Variants in KLHL18 observed in about 807,000 individuals in gnomAD.
The protein encoded by KLHL18 is kelch like family member 18.
A neutral mutation model predicts 58.5 loss-of-function variants in KLHL18; 38 were observed. The ratio of observed to expected loss-of-function variants is 0.65; its 90% CI spans 0.50 to 0.85. The LOEUF (loss-of-function observed/expected upper bound fraction) is 0.85. KLHL18 is among the 40% of genes least tolerant of loss of function. The pLI is 0.00. For missense variants in KLHL18, 624 were observed against 778.4 expected (o/e 0.80, Z 2.36); for synonymous variants, 303 against 301.9 (o/e 1.00, Z -0.04).
chr3:47,340,440 C>A (rs768052535), intron 7 of KLHL18, 132 bp from the exon 8 acceptor site: 3 of 1,351,876 alleles, frequency 2.2e-6, no homozygotes, highest in Non-Finnish European at 3.1e-6. Context: ...CAGTTTTATG[C>A]CTTTACTTAG....
At chr3:47,298,265 G>A (rs1170622137) in intron 1 of KLHL18, among the ~76,000 whole-genome samples, 1 of 149,754 alleles carries the variant, frequency 6.7e-6, no homozygotes, top group Non-Finnish European at 1.5e-5. Flanking sequence ...CTACTTGGGA[G>A]GATCACTTAA....
chr3:47,285,553 T>C (rs2107568583), intron 1 of KLHL18, among the ~76,000 whole-genome samples: 1 of 146,852 alleles, frequency 6.8e-6, no homozygotes, highest in South Asian at 2.2e-4. Context: ...CCCGTCTCTA[T>C]TGGGGAAAAA....
intron 4 of KLHL18, 42 bp from the exon 5 acceptor site, chr3:47,333,115 G>A (rs1703901856): frequency 2.5e-6 from 4 of 1,595,686 alleles, no homozygotes; most frequent in African/African-American, 2.7e-5. Flanking sequence ...TGTGGCCTCT[G>A]GGTGGGAGGA....
intron 1 of KLHL18, among the ~76,000 whole-genome samples, chr3:47,289,563 T>C (rs765276809): frequency 1.3e-5 from 2 of 152,182 alleles, no homozygotes; most frequent in Non-Finnish European, 2.9e-5. Context: ...ACCATTTTTA[T>C]GTTGTGTATA....
intron 1 of KLHL18, among the ~76,000 whole-genome samples, chr3:47,290,595 G>A (rs532470564): frequency 1.3e-5 from 2 of 152,030 alleles, no homozygotes; most frequent in Admixed American, 1.3e-4. Flanking sequence ...CCAAGTAGCT[G>A]GGACCACAGG....
chr3:47,285,994 C>T (rs1222690733), intron 1 of KLHL18, among the ~76,000 whole-genome samples: 1 of 150,808 alleles, frequency 6.6e-6, no homozygotes, highest in Non-Finnish European at 1.5e-5. Context: ...GAGCCGAGAT[C>T]GTGCCACTGC....
At chr3:47,319,833 T>C in intron 2 of KLHL18, 50 bp downstream of exon 2, 2 of 1,604,050 alleles carry the variant, frequency 1.2e-6, no homozygotes, top group Non-Finnish European at 1.7e-6. Flanking sequence ...AAGTGCAGTT[T>C]CAGCCTGTGC....
chr3:47,330,071 A>G lies in KLHL18; in HGVS notation c.522A>G (p.Glu174=). ...HQHFVEVSMS[E]EFLALPLEDV... is the part of the protein sequence containing the mutation. Reference sequence around the variant, plus strand: ...ACTTTGTGGAGGTGTCCATGTCAGAAGAGTTCCTGGCCCTGCCCTTGGAAG... The same window carrying G: ...ACTTTGTGGAGGTGTCCATGTCAGAGGAGTTCCTGGCCCTGCCCTTGGAAG... Residue 174 remains glutamate (E), a synonymous_variant, in exon 4 of 10, where the codon GAA becomes GAG. Transcript: ENST00000232766. 6.2e-7 allele frequency: 1 copy of G among 1,614,140 alleles called. No individual in the cohort carries two copies. The highest frequency in any genetic ancestry group is 8.5e-7 in the Non-Finnish European group (1 of 1,180,012).
intron 1 of KLHL18, among the ~76,000 whole-genome samples, chr3:47,299,866 T>TAAA (rs927051506): frequency 2.9e-4 from 31 of 106,140 alleles, no homozygotes; most frequent in Non-Finnish European, 5.6e-4. Context: ...GATTGCAAGA[T>TAAA]AAAAACCCTA....
intron 1 of KLHL18, among the ~76,000 whole-genome samples, chr3:47,305,384 T>G (rs1703123278): frequency 6.6e-6 from 1 of 151,282 alleles, no homozygotes; most frequent in Non-Finnish European, 1.5e-5. Context: ...GTCACTTCTT[T>G]TTTCTTGAGT....
intron 1 of KLHL18, among the ~76,000 whole-genome samples, chr3:47,294,490 C>T (rs1449922821): frequency 6.6e-6 from 1 of 152,110 alleles, no homozygotes; most frequent in Non-Finnish European, 1.5e-5. Context: ...AGTGAGGGAG[C>T]AATCCATGAG....
intron 1 of KLHL18, among the ~76,000 whole-genome samples, chr3:47,290,621 C>T (rs1286923546): frequency 6.6e-6 from 1 of 152,116 alleles, no homozygotes; most frequent in Non-Finnish European, 1.5e-5. Context: ...GCCACCACGC[C>T]TGGCTAATTT....
intron 2 of KLHL18, among the ~76,000 whole-genome samples, chr3:47,321,667 A>G (rs1703592999): frequency 6.6e-6 from 1 of 152,190 alleles, no homozygotes; most frequent in African/African-American, 2.4e-5. Flanking sequence ...GCTTTCTAGT[A>G]GTGATTTGGC....
intron 1 of KLHL18, among the ~76,000 whole-genome samples, chr3:47,314,160 C>G (rs2107617497): frequency 6.6e-6 from 1 of 152,282 alleles, no homozygotes; most frequent in South Asian, 2.1e-4. Flanking sequence ...GCATGCACCA[C>G]CATGCCTGGC....
chr3:47,297,774 G>A (rs1365286324), intron 1 of KLHL18: 3 of 387,144 alleles, frequency 7.7e-6, no homozygotes, highest in Non-Finnish European at 1.5e-5. Context: ...TGAGTATGAG[G>A]CACTGTGTTA....
chr3:47,343,703 T>C lies in KLHL18; in HGVS notation c.1487T>C (p.Met496Thr). 1 of 1,614,198 alleles carries C rather than the reference T, an allele frequency of 6.2e-7. No individual in the cohort carries two copies. The highest frequency in any genetic ancestry group is 8.5e-7 in the Non-Finnish European group (1 of 1,180,036). Reference sequence around the variant, plus strand: ...TCTGGCTTCCTCAGCATTGCCGAGATGTACAGCTCTGTGGCAGACCAGTGG... The same window carrying C: ...TCTGGCTTCCTCAGCATTGCCGAGACGTACAGCTCTGTGGCAGACCAGTGG... ...DGSGFLSIAE[M>T]YSSVADQWCL... The change falls in exon 10 of 10, where the codon ATG becomes ACG. Residue 496 changes from methionine to threonine, a missense_variant. Transcript: ENST00000232766.
Position 47,330,089 on chromosome 3 carries a change from C to A in KLHL18, c.540C>A (p.Pro180=). Residue 180 remains proline, a synonymous_variant, in exon 4 of 10, where the codon CCC becomes CCA. Transcript: ENST00000232766. The stretch of plus-strand genomic sequence containing the variant: ...TGTCAGAAGAGTTCCTGGCCCTGCC[C>A]TTGGAAGACGTGCTTGAGCTGGTGT... ...VSMSEEFLAL[P]LEDVLELVSR... 6.2e-7 allele frequency: 1 copy of A among 1,614,088 alleles called. No homozygotes were observed. Among genetic ancestry groups the A allele is most frequent in the South Asian group, 1.1e-5 (1 of 91,068 alleles).
intron 7 of KLHL18, 83 bp from the exon 8 acceptor site, chr3:47,340,489 G>A: frequency 6.3e-7 from 1 of 1,598,116 alleles, no homozygotes; most frequent in Non-Finnish European, 8.6e-7. Context: ...AGAGGCAATT[G>A]ATAGGTTTGT....
chr3:47,283,651 A>T (rs965148306), intron 1 of KLHL18, among the ~76,000 whole-genome samples: 5 of 151,854 alleles, frequency 3.3e-5, no homozygotes, highest in Non-Finnish European at 5.9e-5. Flanking sequence ...GGAAGGCACC[A>T]CTCACCACCA....
Sources: allele counts gnomAD v4.1 joint callset (sites outside exome capture counted in the v4.1 genomes callset), GRCh38; gene constraint gnomAD v4.1.1; transcripts MANE v1.5; gene names NCBI Gene and HGNC (gene_info 2026-07-23, HGNC 2026-07-21).